SCFD2: variants seen among roughly 807,000 people sequenced by gnomAD.
SCFD2 encodes sec1 family domain-containing protein 2.
A neutral mutation model predicts 58.9 loss-of-function variants in SCFD2; 54 were observed. That is an observed-to-expected ratio of 0.92 (90% CI 0.74 to 1.15). The LOEUF (loss-of-function observed/expected upper bound fraction) is 1.15, where lower values mean the gene tolerates loss of function less well. Among genes scored for constraint, SCFD2 ranks in the 50% most tolerant of loss-of-function variants. SCFD2 has a pLI of 0.00. For synonymous variants in SCFD2, 321 were observed against 335.9 expected (o/e 0.96, Z 0.49); for missense variants, 805 against 836.6 (o/e 0.96, Z 0.47).
chr4:53,324,979 T>G (rs1346932564), intron 2 of SCFD2, among the ~76,000 whole-genome samples: 1 of 152,182 alleles, frequency 6.6e-6, no homozygotes, highest in East Asian at 1.9e-4. Context: ...TTGTGACACA[T>G]GGGTAAGGTT....
At chr4:53,352,444 T>G (rs910860399) in intron 2 of SCFD2, among the ~76,000 whole-genome samples, 154 bp downstream of exon 2, 21 of 152,196 alleles carry the variant, frequency 1.4e-4, no homozygotes, top group African/African-American at 4.8e-4. Context: ...TATTTCAAAA[T>G]TAAGAAAAAA....
intron 5 of SCFD2, among the ~76,000 whole-genome samples, chr4:53,078,223 A>G (rs549580301): frequency 5.9e-5 from 9 of 152,302 alleles, no homozygotes; most frequent in African/African-American, 2.2e-4. Flanking sequence ...AGGATCAGAA[A>G]GCAGCAGACA....
intron 4 of SCFD2, among the ~76,000 whole-genome samples, chr4:53,217,969 C>T (rs1357285587): frequency 2.0e-5 from 3 of 152,146 alleles, no homozygotes; most frequent in East Asian, 3.8e-4. Flanking sequence ...TGAATATTGG[C>T]CCCCACTCTC....
At chr4:52,946,485 C>T (rs1333561360) in intron 5 of SCFD2, among the ~76,000 whole-genome samples, 1 of 151,986 alleles carries the variant, frequency 6.6e-6, no homozygotes, top group Non-Finnish European at 1.5e-5. Flanking sequence ...ACCTAAAATT[C>T]AGAGTTCCTT....
At chr4:53,207,491 T>TATATATATACACACATAA in intron 4 of SCFD2, among the ~76,000 whole-genome samples, 1 of 21,782 alleles carries the variant, frequency 4.6e-5, no homozygotes, top group African/African-American at 2.1e-4. Context: ...TATATATATA[T>TATATATATACACACATAA]TTCATATATA....
chr4:53,095,716 C>A (rs891568375), intron 5 of SCFD2, among the ~76,000 whole-genome samples: 43 of 151,318 alleles, frequency 2.8e-4, no homozygotes, highest in African/African-American at 9.3e-4. Context: ...ATTTTTCTCT[C>A]TTGCTCATTT....
chr4:53,134,281 C>G (rs762768172), intron 5 of SCFD2, among the ~76,000 whole-genome samples: 3 of 151,854 alleles, frequency 2.0e-5, no homozygotes, highest in Non-Finnish European at 4.4e-5. Context: ...AACATGGTGC[C>G]TATGGTTAAC....
intron 5 of SCFD2, among the ~76,000 whole-genome samples, chr4:53,101,119 A>C (rs1724822098): frequency 6.6e-6 from 1 of 152,168 alleles, no homozygotes; most frequent in Non-Finnish European, 1.5e-5. Context: ...TGTATGGTAA[A>C]ATACTTAAAC....
At chr4:52,927,933 C>T (rs1004296266) in intron 5 of SCFD2, among the ~76,000 whole-genome samples, 14 of 152,082 alleles carry the variant, frequency 9.2e-5, no homozygotes, top group Admixed American at 9.2e-4. Context: ...TAAATCAAAA[C>T]AATATATAAG....
At chr4:53,356,729 G>A (rs1472574602) in intron 1 of SCFD2, among the ~76,000 whole-genome samples, 1 of 137,574 alleles carries the variant, frequency 7.3e-6, no homozygotes, top group Non-Finnish European at 1.6e-5. Flanking sequence ...CCAACTTGTA[G>A]ACTTTTTTTT....
intron 4 of SCFD2, among the ~76,000 whole-genome samples, chr4:53,236,128 A>C (rs1729598561): frequency 1.3e-5 from 2 of 152,176 alleles, no homozygotes; most frequent in African/African-American, 2.4e-5. Flanking sequence ...ATCCACCCTT[A>C]ATCTGGTGGG....
chr4:53,333,333 T>G lies in SCFD2; in HGVS notation c.1007+19265A>C, dbSNP rs967003175. 2.8e-5 allele frequency among the ~76,000 whole-genome samples: 4 copies of G among 142,858 alleles called. No individual in the cohort carries two copies. The Admixed American group carries it at 2.9e-4, about 10-fold the overall frequency. 93.7% of individuals were successfully genotyped at this position (142,858 alleles called of 152,430 possible). On this transcript the variant is annotated intron_variant, in intron 2 of 8. Transcript: ENST00000401642. ...AAGAACAAAGCTGGAGGCATCACGC[T>G]ACCTGACTTCAAACTATACTACAAG...
At chr4:52,877,013 G>T (rs1718490238) in intron 8 of SCFD2, among the ~76,000 whole-genome samples, 1 of 152,122 alleles carries the variant, frequency 6.6e-6, no homozygotes, top group Non-Finnish European at 1.5e-5. Context: ...CTGAGGGCTA[G>T]GGTACGTCTC....
chr4:53,302,454 C>T (rs371548314), intron 3 of SCFD2, among the ~76,000 whole-genome samples: 1 of 151,998 alleles, frequency 6.6e-6, no homozygotes, highest in Non-Finnish European at 1.5e-5. Context: ...TAAAAGAGGA[C>T]ACAAACAAAT....
rs1259526766 is a variant in SCFD2, at chr4:53,313,766, G to A, written c.1008-3C>T. ...ATAGGGCTTTGGCTGTGGTGTCACT[G>A]CAGGAAAATCACAAAAAGAGCTTTA... On this transcript the variant is annotated splice_region_variant and splice_polypyrimidine_tract_variant and intron_variant, in intron 2 of 8. Transcript: ENST00000401642. The A allele has an allele frequency of 6.2e-7, 1 of 1,613,616 alleles. No individual in the cohort carries two copies. Among genetic ancestry groups the A allele is most frequent in the Non-Finnish European group, 8.5e-7 (1 of 1,179,742 alleles).
intron 5 of SCFD2, among the ~76,000 whole-genome samples, chr4:53,108,558 A>G (rs978537937): frequency 2.0e-5 from 3 of 152,208 alleles, no homozygotes; most frequent in Non-Finnish European, 2.9e-5. Flanking sequence ...CCACAGAAAT[A>G]CAAACTACCA....
At chr4:53,259,655 A>G (rs1730768908) in intron 4 of SCFD2, among the ~76,000 whole-genome samples, 1 of 152,136 alleles carries the variant, frequency 6.6e-6, no homozygotes, top group Admixed American at 6.5e-5. Flanking sequence ...GGGTAATGTG[A>G]TGCCTCCAGA....
At chr4:53,186,715 A>G (rs995715491) in intron 4 of SCFD2, among the ~76,000 whole-genome samples, 2 of 152,056 alleles carry the variant, frequency 1.3e-5, no homozygotes, top group African/African-American at 2.4e-5. Flanking sequence ...TTAGAGGTAG[A>G]AGGCCTAAAT....
At chr4:53,201,372 C>A (rs1487692300) in intron 4 of SCFD2, among the ~76,000 whole-genome samples, 29 of 152,126 alleles carry the variant, frequency 1.9e-4, no homozygotes, top group Admixed American at 1.5e-3. Flanking sequence ...TTTTATGGCT[C>A]CATAGTATTC....
Sources: allele counts gnomAD v4.1 joint callset (sites outside exome capture counted in the v4.1 genomes callset), GRCh38; gene constraint gnomAD v4.1.1; transcripts MANE v1.5; gene names NCBI Gene and HGNC (gene_info 2026-07-23, HGNC 2026-07-21).